Variants in SLC16A14 observed in about 807,000 individuals in gnomAD.
The protein encoded by SLC16A14 is monocarboxylate transporter 14.
In SLC16A14, 14 loss-of-function variants were observed where a neutral mutation model predicts 35.8. The observed-to-expected ratio is 0.39, with a 90% CI of 0.26 to 0.61. The LOEUF (loss-of-function observed/expected upper bound fraction) is 0.61. Among genes scored for constraint, SLC16A14 ranks in the 20% least tolerant of loss-of-function variants. The probability of loss-of-function intolerance (pLI) is 0.51; values close to 1 mark genes in which losing one functional copy is unlikely to be tolerated. For synonymous variants in SLC16A14, 248 were observed against 258.9 expected (o/e 0.96, Z 0.40); for missense variants, 533 against 655.0 (o/e 0.81, Z 2.03).
chr2:230,062,453 A>G (rs553963724), intron 1 of SLC16A14, among the ~76,000 whole-genome samples: 13 of 149,180 alleles, frequency 8.7e-5, no homozygotes, highest in Middle Eastern at 7.1e-3. Flanking sequence ...GGCTCCAGTG[A>G]TCCTTCTGCC....
intron 3 of SLC16A14, among the ~76,000 whole-genome samples, chr2:230,047,391 G>C (rs761549665): frequency 2.1e-5 from 3 of 145,164 alleles, no homozygotes; most frequent in African/African-American, 7.7e-5. Flanking sequence ...AGCTCATTGC[G>C]TCCTCGAACT....
At chr2:230,040,121 C>T (rs2077548840) in intron 4 of SLC16A14, among the ~76,000 whole-genome samples, 1 of 152,128 alleles carries the variant, frequency 6.6e-6, no homozygotes, top group Non-Finnish European at 1.5e-5. Flanking sequence ...CCTAGGATCC[C>T]CTTTTCCCCA....
At chr2:230,047,477 AT>A (rs934466989) in intron 3 of SLC16A14, among the ~76,000 whole-genome samples, 6 of 151,308 alleles carry the variant, frequency 4.0e-5, no homozygotes, top group Non-Finnish European at 7.4e-5. Flanking sequence ...TAATTTTTGT[AT>A]TTTTTTTGTA....
intron 3 of SLC16A14, among the ~76,000 whole-genome samples, chr2:230,048,278 G>A (rs1307193112): frequency 6.6e-6 from 1 of 152,154 alleles, no homozygotes; most frequent in Non-Finnish European, 1.5e-5. Flanking sequence ...AGTCACACAG[G>A]TAATAATAAT....
chr2:230,042,115 T>C (rs976667630), intron 4 of SLC16A14, among the ~76,000 whole-genome samples: 1 of 152,204 alleles, frequency 6.6e-6, no homozygotes, highest in East Asian at 1.9e-4. Context: ...ATCTGAATGT[T>C]GATTTTGGGG....
intron 1 of SLC16A14, among the ~76,000 whole-genome samples, chr2:230,062,495 T>C (rs545624900): frequency 6.6e-6 from 1 of 152,196 alleles, no homozygotes; most frequent in East Asian, 1.9e-4. Context: ...ACTACAGGCA[T>C]GTGCCACCAC....
chr2:230,051,340 T>A (rs1389274665), intron 2 of SLC16A14, among the ~76,000 whole-genome samples: 2 of 152,152 alleles, frequency 1.3e-5, no homozygotes, highest in African/African-American at 4.8e-5. Flanking sequence ...TTTGTATTTT[T>A]TATAGAGATA....
At chr2:230,053,684 G>T (rs1400307532) in intron 2 of SLC16A14, among the ~76,000 whole-genome samples, 1 of 152,178 alleles carries the variant, frequency 6.6e-6, no homozygotes, top group African/African-American at 2.4e-5. Flanking sequence ...GGGAGGCTGA[G>T]GCAGGAGAAT....
Position 230,046,143 on chromosome 2 carries a change from C to T in SLC16A14, c.983G>A (p.Ser328Asn). 1 of 1,613,932 alleles carries T rather than the reference C, an allele frequency of 6.2e-7. No homozygotes were observed. The highest frequency in any genetic ancestry group is 8.5e-7 in the Non-Finnish European group (1 of 1,179,804). The change falls in exon 4 of 5, where the codon AGC becomes AAC. Residue 328 changes from serine to asparagine, a missense_variant. Transcript: ENST00000295190. This position sits in a 1 kb window ranked among gnomAD's most constrained non-coding sequence, Gnocchi z 5.0. ...AFIFWALFAY[S>N]SFVIPFIHLP... ...GTGAATGAAGGGGATGACAAAGCTG[C>T]TGTATGCAAACAAAGCCCAGAAAAT...
At chr2:230,054,897 A>G (rs866672337) in intron 2 of SLC16A14, among the ~76,000 whole-genome samples, 13 of 142,972 alleles carry the variant, frequency 9.1e-5, no homozygotes, top group South Asian at 4.3e-4. Context: ...TCCATCTCAG[A>G]AAAAAAAAAA....
In SLC16A14 at chr2:230,045,974, G is replaced by T. The variant is rs1465556701; in HGVS notation, c.1152C>A (p.Val384=). The change falls in exon 4 of 5, where the codon GTC becomes GTA. Residue 384 remains valine, a synonymous_variant. Coordinates refer to ENST00000295190, the MANE Select transcript of SLC16A14 (RefSeq NM_152527.5). The part of the protein sequence containing the change: ...ADLPCISVWN[V]FLLANFTLVL... ...CAAGGGTGAAGTTGGCCAACAGGAA[G>T]ACATTCCAAACACTAATGCAAGGCA... 6.2e-7 allele frequency: 1 copy of T among 1,613,362 alleles called. No homozygotes were observed. Among genetic ancestry groups the T allele is most frequent in the Non-Finnish European group, 8.5e-7 (1 of 1,179,386 alleles).
At chr2:230,050,968 G>T (rs190263211) in intron 2 of SLC16A14, among the ~76,000 whole-genome samples, 5 of 152,274 alleles carry the variant, frequency 3.3e-5, no homozygotes, top group Admixed American at 2.0e-4. Flanking sequence ...AAGCTGAAAA[G>T]AGCTAGTTGT....
chr2:230,059,454 G>A, intron 1 of SLC16A14, 88 bp from the exon 2 acceptor site: 1 of 1,006,782 alleles, frequency 9.9e-7, no homozygotes, highest in South Asian at 1.8e-5. Flanking sequence ...CCCCATCAGG[G>A]TCAAAGTGGC....
chr2:230,055,372 T>C lies in SLC16A14; in HGVS notation c.259+3722A>G, dbSNP rs535666833. 3.9e-5 allele frequency among the ~76,000 whole-genome samples: 6 copies of C among 152,336 alleles called. No homozygotes were observed. The South Asian group carries it at 1.2e-3, about 32-fold the overall frequency. On this transcript the variant is annotated intron_variant, in intron 2 of 4. Transcript: ENST00000295190. ...CCAGGAAGCTTGGGATAATGGACAA[T>C]AATTTTAGGTAAATAGATAGAATAA...
intron 4 of SLC16A14, among the ~76,000 whole-genome samples, chr2:230,040,314 G>C (rs1240751723): frequency 2.0e-5 from 3 of 152,048 alleles, no homozygotes; most frequent in Non-Finnish European, 4.4e-5. Flanking sequence ...CACTCCCCCG[G>C]GTTCAAGCAA....
intron 4 of SLC16A14, among the ~76,000 whole-genome samples, chr2:230,040,468 C>T (rs10197867): frequency 0.02 from 3,115 of 152,182 alleles, 98 homozygotes; most frequent in African/African-American, 0.071. Context: ...ATAATCCACC[C>T]GCCTCAGCCT....
intron 2 of SLC16A14, 164 bp downstream of exon 2, chr2:230,058,930 G>T (rs2106273718): frequency 1.1e-6 from 1 of 911,942 alleles, no homozygotes; most frequent in Non-Finnish European, 1.3e-6. Flanking sequence ...ACCGTGCCTG[G>T]CCTAAAATGG....
In SLC16A14 at chr2:230,046,577, G is replaced by A. The variant is rs2077609884; in HGVS notation, c.549C>T (p.Cys183=). Residue 183 remains cysteine (C), a synonymous_variant, in exon 4 of 5, where the codon TGC becomes TGT. Coordinates refer to ENST00000295190, the MANE Select transcript of SLC16A14 (RefSeq NM_152527.5). This position sits in a 1 kb window ranked among gnomAD's most constrained non-coding sequence, Gnocchi z 5.0. ...TGGCATTCCTCCAGCCGTACTCTGC[G>A]CACAGGTACTTCAGCAGCACAGTCA... The part of the protein sequence containing the change: ...FLMTVLLKYL[C]AEYGWRNAML... The A allele has an allele frequency of 6.2e-7, 1 of 1,614,116 alleles. No homozygotes were observed. Among genetic ancestry groups the A allele is most frequent in the South Asian group, 1.1e-5 (1 of 91,086 alleles).
chr2:230,044,633 T>C (rs2077586542), intron 4 of SLC16A14, among the ~76,000 whole-genome samples: 1 of 151,616 alleles, frequency 6.6e-6, no homozygotes, highest in African/African-American at 2.4e-5. Context: ...AGGAAACAAA[T>C]TCCCCCCTAA....
Sources: allele counts gnomAD v4.1 joint callset (sites outside exome capture counted in the v4.1 genomes callset), GRCh38; gene constraint gnomAD v4.1.1; non-coding constraint Gnocchi (gnomAD v3.1); transcripts MANE v1.5; gene names NCBI Gene and HGNC (gene_info 2026-07-23, HGNC 2026-07-21).